Variants in ADARB1 observed in about 807,000 individuals in gnomAD.
The protein encoded by ADARB1 is adenosine deaminase RNA specific B1.
In ADARB1, 10 loss-of-function variants were observed where a neutral mutation model predicts 52.4. The observed-to-expected ratio is 0.19, with a 90% CI of 0.12 to 0.32. The LOEUF (loss-of-function observed/expected upper bound fraction) is 0.32, where lower values mean the gene tolerates loss of function less well. ADARB1 is among the 10% of genes least tolerant of loss of function. ADARB1 has a pLI of 1.00. For missense variants in ADARB1, 643 were observed against 922.3 expected (o/e 0.70, Z 3.92); for synonymous variants, 349 against 371.1 (o/e 0.94, Z 0.68).
intron 1 of ADARB1, among the ~76,000 whole-genome samples, chr21:45,105,890 A>G (rs1419938418): frequency 6.6e-6 from 1 of 152,178 alleles, no homozygotes; most frequent in Non-Finnish European, 1.5e-5. Context: ...CTTTTTTTAT[A>G]GTGTACCCAT....
rs1555882566 is a variant in ADARB1 at position 45,074,589 on chromosome 21, A to AGGCGGCCGTGGCGGC, written c.-417_-403dup. ...CGCCGGCGGCGGGGCTGAGGCGCTG[A>AGGCGGCCGTGGCGGC]GGCGGCCGTGGCGGCGGCGGCGGCG... On this transcript the variant is annotated 5_prime_UTR_variant, in exon 1 of 11. Transcript: ENST00000348831. The AGGCGGCCGTGGCGGC allele has an allele frequency of 3.8e-5, 5 of 130,856 alleles. No individual in the cohort carries two copies. Among genetic ancestry groups the AGGCGGCCGTGGCGGC allele is most frequent in the African/African-American group, 1.0e-4 (4 of 38,560 alleles). The allele number at this position is 130,856 out of a possible 1,614,324, so 8.1% of individuals were successfully genotyped here.
chr21:45,209,839 G>C (rs1478549418), intron 9 of ADARB1, among the ~76,000 whole-genome samples: 1 of 152,148 alleles, frequency 6.6e-6, no homozygotes, highest in Non-Finnish European at 1.5e-5. Flanking sequence ...TGTCACTTCT[G>C]CTAGAAGCAT....
At chr21:45,173,088 A>G (rs2091553379) in intron 3 of ADARB1, among the ~76,000 whole-genome samples, 1 of 152,154 alleles carries the variant, frequency 6.6e-6, no homozygotes, top group Non-Finnish European at 1.5e-5. Context: ...AGCTGCAGTC[A>G]CCTCGCATAG....
In ADARB1 at chr21:45,074,776, G is replaced by T; in HGVS notation, c.-237G>T. The T allele has an allele frequency of 6.8e-6, 1 of 147,216 alleles. No individual in the cohort carries two copies. The highest frequency in any genetic ancestry group is 1.9e-4 in the South Asian group (1 of 5,388). The allele number at this position is 147,216 out of a possible 1,614,324, so 9.1% of individuals were successfully genotyped here. A position where few individuals can be genotyped will look rare whatever the true frequency, so the allele number is the denominator to read the frequency against. On this transcript the variant is annotated 5_prime_UTR_variant, in exon 1 of 11. Transcript: ENST00000348831. ...GGCGCGCGTGCGGAGGACCAGGCGC[G>T]GCGCGGCTGCGGCTGAGGTGAGGGC...
chr21:45,218,167 G>A (rs1376358846), intron 9 of ADARB1, among the ~76,000 whole-genome samples: 4 of 151,906 alleles, frequency 2.6e-5, no homozygotes, highest in African/African-American at 4.8e-5. Flanking sequence ...TCTCCTCACC[G>A]TCATGAAATC....
At chr21:45,103,852 T>C (rs942271582) in intron 1 of ADARB1, among the ~76,000 whole-genome samples, 2 of 152,194 alleles carry the variant, frequency 1.3e-5, no homozygotes, top group African/African-American at 4.8e-5. Flanking sequence ...AAAAACACTT[T>C]TTTGTGTCCT....
At chr21:45,098,442 C>T (rs1296404589) in intron 1 of ADARB1, among the ~76,000 whole-genome samples, 4 of 152,278 alleles carry the variant, frequency 2.6e-5, no homozygotes, top group Admixed American at 6.5e-5. Flanking sequence ...CCTCTGCTGA[C>T]GGCCCCTTCT....
chr21:45,209,553 C>T (rs2092728482), intron 9 of ADARB1, among the ~76,000 whole-genome samples: 1 of 152,200 alleles, frequency 6.6e-6, no homozygotes, highest in African/African-American at 2.4e-5. Context: ...TGTCTGGGCT[C>T]TGCCCTACCC....
At chr21:45,140,403 CA>C (rs1488431495) in intron 2 of ADARB1, among the ~76,000 whole-genome samples, 1 of 152,202 alleles carries the variant, frequency 6.6e-6, no homozygotes, top group Non-Finnish European at 1.5e-5. Context: ...TTCAGCAGAG[CA>C]CCTAGACCAG....
intron 1 of ADARB1, among the ~76,000 whole-genome samples, chr21:45,125,348 T>G (rs1374136735): frequency 1.3e-5 from 2 of 152,244 alleles, no homozygotes; most frequent in Admixed American, 6.5e-5. Flanking sequence ...TGTGGCTTTC[T>G]TGGTTCTTCT....
chr21:45,180,920 G>T (rs1409558423), intron 5 of ADARB1, among the ~76,000 whole-genome samples: 1 of 152,208 alleles, frequency 6.6e-6, no homozygotes, highest in Non-Finnish European at 1.5e-5. Flanking sequence ...TATTAAATTA[G>T]TCTAGAAGTT....
At chr21:45,166,760 T>C (rs992187768) in intron 2 of ADARB1, among the ~76,000 whole-genome samples, 13 of 152,226 alleles carry the variant, frequency 8.5e-5, no homozygotes, top group Admixed American at 2.0e-4. Flanking sequence ...GTCTCAGGTC[T>C]TCTGCAGTCA....
rs902029879 is a variant in ADARB1 at position 45,142,317 on chromosome 21, G to A, written c.-48+13744G>A. ...TTTTAACCCTAAGTTGCATGGTAAA[G>A]TCACCTTTAAAGCCAATGGAAAAAG... On this transcript the variant is annotated intron_variant, in intron 2 of 10. Coordinates refer to ENST00000348831, the MANE Select transcript of ADARB1 (RefSeq NM_001112.4). The surrounding 1 kb of genome is among the most constrained non-coding windows in gnomAD (Gnocchi z 4.0). Among the ~76,000 whole-genome samples the A allele has an allele frequency of 6.6e-6, 1 of 152,218 alleles. No individual in the cohort carries two copies. Among genetic ancestry groups the A allele is most frequent in the East Asian group, 1.9e-4 (1 of 5,204 alleles).
chr21:45,212,291 T>G (rs1211394111), intron 9 of ADARB1, among the ~76,000 whole-genome samples: 1 of 152,174 alleles, frequency 6.6e-6, no homozygotes, highest in African/African-American at 2.4e-5. Context: ...TCCTTCCTGA[T>G]TCTGTCTGCT....
chr21:45,075,318 A>G (rs2085881445), intron 1 of ADARB1, among the ~76,000 whole-genome samples: 1 of 147,510 alleles, frequency 6.8e-6, no homozygotes, highest in Non-Finnish European at 1.5e-5. Context: ...TCCGCCCGGC[A>G]TGGGACGCTG....
At chr21:45,188,847 T>C (rs1452275968) in intron 8 of ADARB1, among the ~76,000 whole-genome samples, 1 of 152,222 alleles carries the variant, frequency 6.6e-6, no homozygotes, top group Non-Finnish European at 1.5e-5. Flanking sequence ...TCATTGCTGA[T>C]AAAGACATAC....
chr21:45,180,032 G>T (rs1420449554), intron 4 of ADARB1, among the ~76,000 whole-genome samples: 1 of 152,246 alleles, frequency 6.6e-6, no homozygotes, highest in Non-Finnish European at 1.5e-5. Context: ...TGAGGGCCGG[G>T]CTGGCCTGCG....
At chr21:45,155,981 TCA>T (rs2090566107) in intron 2 of ADARB1, among the ~76,000 whole-genome samples, 1 of 4,130 alleles carries the variant, frequency 2.4e-4, no homozygotes, top group Non-Finnish European at 5.3e-4. Context: ...CCACCCACCA[TCA>T]CCCATTACCC....
chr21:45,109,283 C>T (rs116997326), intron 1 of ADARB1, among the ~76,000 whole-genome samples: 6,669 of 150,682 alleles, frequency 0.044, 187 homozygotes, highest in Non-Finnish European at 0.065. Context: ...CGCGTGTGCG[C>T]GCTTGTGCAT....
Sources: allele counts gnomAD v4.1 joint callset (sites outside exome capture counted in the v4.1 genomes callset), GRCh38; gene constraint gnomAD v4.1.1; non-coding constraint Gnocchi (gnomAD v3.1); transcripts MANE v1.5; gene names NCBI Gene and HGNC (gene_info 2026-07-23, HGNC 2026-07-21).